The following PDXDC1 variants were observed in gnomAD, a reference collection of about 807,000 sequenced individuals.
The protein encoded by PDXDC1 is pyridoxal-dependent decarboxylase domain-containing protein 1.
In PDXDC1, 42 loss-of-function variants were observed where a neutral mutation model predicts 100.1. The observed-to-expected ratio is 0.42, with a 90% confidence interval of 0.33 to 0.54. The LOEUF (loss-of-function observed/expected upper bound fraction) is 0.54, where lower values mean the gene tolerates loss of function less well. Among genes scored for constraint, PDXDC1 ranks in the 20% least tolerant of loss-of-function variants. The pLI is 0.10. For synonymous variants in PDXDC1, 260 were observed against 371.7 expected (o/e 0.70, Z 3.46); for missense variants, 636 against 979.2 (o/e 0.65, Z 4.68).
Position 15,009,267 on chromosome 16 carries a change from A to G in PDXDC1, c.649-414A>G, listed in dbSNP as rs1194412237. 1.2e-5 allele frequency: 4 copies of G among 347,098 alleles called. No homozygotes were observed. In the East Asian group the frequency reaches 3.4e-4, roughly 29 times the overall value. The allele number at this position is 347,098 out of a possible 1,614,324, so 21.5% of individuals were successfully genotyped here. On this transcript the variant is annotated intron_variant, in intron 7 of 22. Coordinates refer to ENST00000396410, the MANE Select transcript of PDXDC1 (RefSeq NM_015027.4). Reference sequence around the variant, plus strand: ...CATGCAGGTGATAAATCTCTCCTTAATGATTCCAGAAGGAAAAGGAAGGGA... The same window carrying G: ...CATGCAGGTGATAAATCTCTCCTTAGTGATTCCAGAAGGAAAAGGAAGGGA...
intron 16 of PDXDC1, among the ~76,000 whole-genome samples, chr16:15,122,135 G>T (rs1344522538): frequency 6.6e-6 from 1 of 152,084 alleles, no homozygotes; most frequent in Non-Finnish European, 1.5e-5. Context: ...CTGCACTCCA[G>T]CCTGGGCGAC....
At position 15,066,762 on chromosome 16, in the gene PDXDC1, C is replaced by T. The variant is rs562654673; in HGVS notation, c.1399+36706C>T. 2.4e-3 allele frequency among the ~76,000 whole-genome samples: 364 copies of T among 151,434 alleles called. 2 individuals are homozygous for T. The highest frequency in any genetic ancestry group is 8.5e-3 in the African/African-American group (351 of 41,406). On this transcript the variant is annotated intron_variant, in intron 16 of 16. Transcript: ENST00000535621. Reference sequence around the variant, plus strand: ...GCTTTGTGTCAATATGGTTCAATCTCAAAAGCATCAAGCAGGCAAAAGCAA... The same window carrying T: ...GCTTTGTGTCAATATGGTTCAATCTTAAAAGCATCAAGCAGGCAAAAGCAA...
chr16:15,045,676 T>C (rs1390763856), intron 16 of PDXDC1: 1 of 152,274 alleles, frequency 6.6e-6, no homozygotes. Flanking sequence ...GGAGTCACAC[T>C]GCGCATTGCA....
At chr16:15,127,858 G>A (rs773954166) in intron 16 of PDXDC1, 2 of 1,565,620 alleles carry the variant, frequency 1.3e-6, no homozygotes. Context: ...CTGCAGCTCA[G>A]CCACCAGCAG....
At chr16:15,128,324 C>A (rs2047865120) in intron 16 of PDXDC1, 2 of 1,610,316 alleles carry the variant, frequency 1.2e-6, no homozygotes, top group Non-Finnish European at 1.7e-6. Context: ...CTGTCGCCAT[C>A]CAGGTGCCGG....
chr16:15,142,964 A>T (rs2048497684), downstream of PDXDC1, among the ~76,000 whole-genome samples: 1 of 151,908 alleles, frequency 6.6e-6, no homozygotes, highest in Non-Finnish European at 1.5e-5. Flanking sequence ...CGCACTCCTC[A>T]CCCCAGTTCC....
At chr16:15,128,747 T>A (rs146787772) in intron 16 of PDXDC1, among the ~76,000 whole-genome samples, 1 of 151,278 alleles carries the variant, frequency 6.6e-6, no homozygotes, top group African/African-American at 2.4e-5. Context: ...AGTTCATGCA[T>A]AGACTGCAAA....
At chr16:15,019,968 T>C (rs2042057513) in intron 12 of PDXDC1, among the ~76,000 whole-genome samples, 1 of 152,092 alleles carries the variant, frequency 6.6e-6, no homozygotes, top group Non-Finnish European at 1.5e-5. Flanking sequence ...AAAAATTAGC[T>C]GGGCGTGGTG....
chr16:15,089,417 A>C lies in PDXDC1; in HGVS notation c.1400-49462A>C, dbSNP rs1483448974. 2.0e-5 allele frequency among the ~76,000 whole-genome samples: 3 copies of C among 152,182 alleles called. No homozygotes were observed. The East Asian group carries it at 5.8e-4, about 29-fold the overall frequency. ...GAAGGGAGATGAGGAGATCACACAG[A>C]AGAATCAACAGAGTGAGAAAAGAGT... On this transcript the variant is annotated intron_variant, in intron 16 of 16. Coordinates refer to the PDXDC1 transcript ENST00000535621.
At chr16:15,052,334 G>T (rs2044324759) in intron 16 of PDXDC1, among the ~76,000 whole-genome samples, 1 of 152,114 alleles carries the variant, frequency 6.6e-6, no homozygotes, top group Non-Finnish European at 1.5e-5. Context: ...GAAATATAAA[G>T]ACCATTCTTG....
intron 1 of PDXDC1, among the ~76,000 whole-genome samples, chr16:14,987,572 T>G (rs1469891600): frequency 5.9e-5 from 9 of 152,284 alleles, no homozygotes; most frequent in Non-Finnish European, 1.3e-4. Context: ...AGAAATTATT[T>G]GACATTCTTC....
intron 16 of PDXDC1, chr16:15,128,262 G>A (rs2047860399): frequency 1.9e-6 from 3 of 1,610,850 alleles, no homozygotes; most frequent in South Asian, 1.1e-5. Flanking sequence ...CGCTACCCAG[G>A]CTGTGCGGGG....
chr16:15,131,733 A>T (rs1327838672), intron 16 of PDXDC1: 20 of 1,045,758 alleles, frequency 1.9e-5, no homozygotes, highest in Admixed American at 1.0e-4. Context: ...AGGTCAGTGC[A>T]GAGACAGGGA....
chr16:15,117,509 T>G (rs577435491), intron 16 of PDXDC1, among the ~76,000 whole-genome samples: 52 of 151,108 alleles, frequency 3.4e-4, no homozygotes, highest in Middle Eastern at 3.4e-3. Context: ...ATACAAAAAT[T>G]AGCCAGGCGT....
At chr16:15,147,931 C>G in the PDXDC1 span, among the ~76,000 whole-genome samples, 2 of 152,068 alleles carry the variant, frequency 1.3e-5, no homozygotes, top group African/African-American at 2.4e-5. Flanking sequence ...GTGATCCCCC[C>G]ACCTTGGCCT....
At chr16:15,071,336 A>G (rs1469755602) in intron 16 of PDXDC1, 48 of 1,285,866 alleles carry the variant, frequency 3.7e-5, no homozygotes, top group Non-Finnish European at 4.6e-5. Context: ...TTACTTCACC[A>G]ATGTAGGGAA....
intron 16 of PDXDC1, chr16:15,073,198 G>A (rs143716552): frequency 0.013 from 15,265 of 1,150,228 alleles, 147 homozygotes; most frequent in South Asian, 0.016. Flanking sequence ...AAGCACAGTG[G>A]CTCCTGCCTG....
At chr16:15,001,501 T>A (rs1244583442) in intron 3 of PDXDC1, among the ~76,000 whole-genome samples, 2 of 152,244 alleles carry the variant, frequency 1.3e-5, no homozygotes, top group African/African-American at 4.8e-5. Flanking sequence ...AATAAATAAA[T>A]AAAAATAAAA....
intron 12 of PDXDC1, among the ~76,000 whole-genome samples, chr16:15,020,521 T>C (rs111324633): frequency 1.4e-4 from 22 of 152,302 alleles, no homozygotes; most frequent in African/African-American, 5.3e-4. Flanking sequence ...AAACCCTGTC[T>C]CTAATAAAAA....
Sources: gnomAD v4.1 joint callset for allele counts (sites outside exome capture counted in the v4.1 genomes callset) on GRCh38, gnomAD v4.1.1 for gene constraint, MANE v1.5 for transcripts, NCBI Gene and HGNC (gene_info 2026-07-23, HGNC 2026-07-21) for gene names.